The following IRAK1BP1 variants were observed in gnomAD, a reference collection of about 807,000 sequenced individuals.
IRAK1BP1 encodes the protein interleukin 1 receptor associated kinase 1 binding protein 1.
Under a neutral mutation model 28.0 loss-of-function variants are expected in IRAK1BP1, and 24 were observed. That is an observed-to-expected ratio of 0.86 (90% CI 0.62 to 1.20). IRAK1BP1 has a LOEUF of 1.20. IRAK1BP1 is among the 50% of genes most tolerant of loss of function. IRAK1BP1 has a pLI of 0.00. For synonymous variants in IRAK1BP1, 131 were observed against 116.3 expected, an observed-to-expected ratio of 1.13 and a Z score of -0.81; for missense variants, 336 against 316.7, an observed-to-expected ratio of 1.06 and a Z score of -0.46.
chr6:78,903,148 T>G, downstream of IRAK1BP1: 1 of 1,092,896 alleles, frequency 9.2e-7, no homozygotes, highest in Non-Finnish European at 1.3e-6. Context: ...AAAAGAAGAC[T>G]AAGAAAAAGC....
Position 78,902,507 on chromosome 6 carries a change from C to A in IRAK1BP1, c.*4173C>A. ...CCCGGGTAGGCCAGGCACGTTGGCT[C>A]ACGCCTGTAATCCCAGCACTTGGGA... On this transcript the variant is annotated 3_prime_UTR_variant, in exon 4 of 4. Transcript: ENST00000369940. 1 of 153,980 alleles carries A rather than the reference C, an allele frequency of 6.5e-6. No homozygotes were observed. Among genetic ancestry groups the A allele is most frequent in the East Asian group, 1.9e-4 (1 of 5,250 alleles). The allele number at this position is 153,980 out of a possible 1,614,324, so 9.5% of individuals were successfully genotyped here.
At chr6:78,874,274 T>C (rs986072319) in intron 1 of IRAK1BP1, among the ~76,000 whole-genome samples, 5 of 152,196 alleles carry the variant, frequency 3.3e-5, no homozygotes, top group Non-Finnish European at 7.3e-5. Context: ...CCTAATCCTA[T>C]AGCAAATCAG....
At chr6:78,873,254 CAAAA>C (rs35962544) in intron 1 of IRAK1BP1, among the ~76,000 whole-genome samples, 7 of 41,104 alleles carry the variant, frequency 1.7e-4, no homozygotes, top group South Asian at 1.5e-3. Flanking sequence ...AACTCTGTCT[CAAAA>C]AAAAAAAAAA....
chr6:78,868,475 G>A (rs2127662902), intron 1 of IRAK1BP1, among the ~76,000 whole-genome samples: 1 of 152,122 alleles, frequency 6.6e-6, no homozygotes, highest in Admixed American at 6.5e-5. Context: ...GCCTTCTTAG[G>A]TTTAACTTAA....
At chr6:78,933,036 T>C (rs1206407078) in intron 4 of IRAK1BP1, among the ~76,000 whole-genome samples, 1 of 152,152 alleles carries the variant, frequency 6.6e-6, no homozygotes, top group East Asian at 1.9e-4. Context: ...GTAGATTTAA[T>C]ATAATTCTTA....
At chr6:78,868,006 T>G in intron 1 of IRAK1BP1, 115 bp downstream of exon 1, 3 of 1,152,650 alleles carry the variant, frequency 2.6e-6, no homozygotes, top group Non-Finnish European at 3.6e-6. Flanking sequence ...CTGGAGCGTT[T>G]AGGACGCGTT....
rs963411676 is a variant in IRAK1BP1, at chr6:78,935,521, G to A, written c.*68-9887G>A. On this transcript the variant is annotated intron_variant and NMD_transcript_variant, in intron 4 of 4. Coordinates refer to the IRAK1BP1 transcript ENST00000606868. Reference sequence around the variant, plus strand: ...TGTTCCACTGAAATGTATCTCTTACGAAAGTATCTGAATAGTGAAGTATTT... The same window carrying A: ...TGTTCCACTGAAATGTATCTCTTACAAAAGTATCTGAATAGTGAAGTATTT... 38 of 974,402 alleles carry A rather than the reference G, an allele frequency of 3.9e-5. No homozygotes were observed. The South Asian group carries it at 4.7e-4, about 12-fold the overall frequency. The allele number at this position is 974,402 out of a possible 1,614,324, so 60.4% of individuals were successfully genotyped here. A position where few individuals can be genotyped will look rare whatever the true frequency, so the allele number is the denominator to read the frequency against.
the IRAK1BP1 span, among the ~76,000 whole-genome samples, chr6:78,953,600 G>A: frequency 6.6e-5 from 10 of 152,084 alleles, no homozygotes; most frequent in African/African-American, 1.9e-4. Context: ...AATTTATCAC[G>A]CCGCTGGAAT....
chr6:78,977,416 C>G, the IRAK1BP1 span, among the ~76,000 whole-genome samples: 10 of 152,148 alleles, frequency 6.6e-5, no homozygotes, highest in Non-Finnish European at 1.2e-4. Flanking sequence ...GGGAGATATA[C>G]CTAATGCTAG....
chr6:78,955,550 C>A, the IRAK1BP1 span: 3 of 613,324 alleles, frequency 4.9e-6, no homozygotes, highest in African/African-American at 1.9e-5. Context: ...CTGAAAACTA[C>A]AATATGTAAA....
At chr6:78,897,730 G>C in intron 2 of IRAK1BP1, 99 bp from the exon 3 acceptor site, 1 of 900,738 alleles carries the variant, frequency 1.1e-6, no homozygotes, top group Non-Finnish European at 1.6e-6. Flanking sequence ...ACTATAAAAT[G>C]ACCTCATAGT....
At chr6:78,966,151 G>T in the IRAK1BP1 span, 1 of 748,498 alleles carries the variant, frequency 1.3e-6, no homozygotes. Context: ...TAAACTGCCT[G>T]TATGATTTCA....
chr6:78,924,492 A>G (rs1196656225), intron 4 of IRAK1BP1, among the ~76,000 whole-genome samples: 2 of 152,302 alleles, frequency 1.3e-5, no homozygotes, highest in South Asian at 4.1e-4. Context: ...AGAGGTACAA[A>G]GAGGAGCTGG....
At chr6:78,914,892 C>G (rs1772519633) in intron 4 of IRAK1BP1, among the ~76,000 whole-genome samples, 1 of 152,176 alleles carries the variant, frequency 6.6e-6, no homozygotes, top group Non-Finnish European at 1.5e-5. Context: ...GTGATCTCAG[C>G]TCACTGCAAC....
chr6:78,960,788 T>C, the IRAK1BP1 span, among the ~76,000 whole-genome samples: 12 of 152,176 alleles, frequency 7.9e-5, no homozygotes, highest in Non-Finnish European at 1.5e-4. Context: ...AGGCACAGGA[T>C]AGCCCCTCAC....
chr6:78,922,743 G>T (rs1772773581), intron 4 of IRAK1BP1, among the ~76,000 whole-genome samples: 1 of 152,172 alleles, frequency 6.6e-6, no homozygotes, highest in Non-Finnish European at 1.5e-5. Context: ...AACTCTACAA[G>T]CCAGAAGAGA....
the IRAK1BP1 span, among the ~76,000 whole-genome samples, chr6:78,962,591 A>T: frequency 6.6e-6 from 1 of 152,090 alleles, no homozygotes; most frequent in Admixed American, 6.5e-5. Context: ...CACATAATCT[A>T]GTTACTTCAG....
rs565053842 is a variant in IRAK1BP1, at chr6:78,915,110, G to A, written c.*67+12000G>A. The stretch of plus-strand genomic sequence containing the variant: ...GCTGGGATTACAGGTGTGAGCCACC[G>A]CACCTGGCCTAAGTTACATGTTTTT... On this transcript the variant is annotated intron_variant and NMD_transcript_variant, in intron 4 of 4. Coordinates refer to the IRAK1BP1 transcript ENST00000606868. Among the ~76,000 whole-genome samples, 29 of 152,190 alleles carry A rather than the reference G, an allele frequency of 1.9e-4. No individual in the cohort carries two copies. The East Asian group carries it at 3.3e-3, about 17-fold the overall frequency.
In IRAK1BP1 at chr6:78,910,786, C is replaced by T. The variant is rs116228917; in HGVS notation, c.*67+7676C>T. On this transcript the variant is annotated intron_variant and NMD_transcript_variant, in intron 4 of 4. Coordinates refer to the IRAK1BP1 transcript ENST00000606868. ...TGGGACTGCCCCAGACACGCACACC[C>T]TCCCGACCTCCGCCCTGTCGCAGTT... is the stretch of plus-strand genomic sequence containing the variant. Among the ~76,000 whole-genome samples, 659 of 152,366 alleles carry T rather than the reference C, an allele frequency of 4.3e-3. 2 individuals carry two copies. The highest frequency in any genetic ancestry group is 0.014 in the African/African-American group (598 of 41,592).
Sources: allele counts gnomAD v4.1 joint callset (sites outside exome capture counted in the v4.1 genomes callset), GRCh38; gene constraint gnomAD v4.1.1; transcripts MANE v1.5; gene names NCBI Gene and HGNC (gene_info 2026-07-23, HGNC 2026-07-21).